LMOD1: variants seen among roughly 807,000 people sequenced by gnomAD.
LMOD1 encodes leiomodin 1, also known as leiomodin-1.
A neutral mutation model predicts 36.5 loss-of-function variants in LMOD1; 8 were observed. The ratio of observed to expected loss-of-function variants is 0.22; its 90% confidence interval spans 0.13 to 0.40. The LOEUF (loss-of-function observed/expected upper bound fraction) is 0.40, where lower values mean the gene tolerates loss of function less well. Among genes scored for constraint, LMOD1 ranks in the 10% least tolerant of loss-of-function variants. The pLI is 1.00. For missense variants in LMOD1, 630 were observed against 751.1 expected, an observed-to-expected ratio of 0.84 and a Z score of 1.88; for synonymous variants, 284 against 288.7, an observed-to-expected ratio of 0.98 and a Z score of 0.17.
At chr1:201,900,922 G>A (rs1309972020) in intron 1 of LMOD1, among the ~76,000 whole-genome samples, 171 bp from the exon 2 acceptor site, 1 of 152,146 alleles carries the variant, frequency 6.6e-6, no homozygotes, top group Non-Finnish European at 1.5e-5. Flanking sequence ...GCAAAAGAGG[G>A]ACTCAGGTTT....
chr1:201,903,658 G>A (rs1354531774), intron 1 of LMOD1, among the ~76,000 whole-genome samples: 1 of 152,198 alleles, frequency 6.6e-6, no homozygotes, highest in East Asian at 1.9e-4. Flanking sequence ...GTTGAGAGCA[G>A]TTCCATCACT....
At chr1:201,921,028 G>A (rs957882789) in intron 1 of LMOD1, among the ~76,000 whole-genome samples, 5 of 152,280 alleles carry the variant, frequency 3.3e-5, no homozygotes, top group Admixed American at 3.3e-4. Context: ...AGTGGACAAT[G>A]CCGAGGAGAA....
At chr1:201,906,262 GC>G (rs992759995) in intron 1 of LMOD1, among the ~76,000 whole-genome samples, 1 of 152,148 alleles carries the variant, frequency 6.6e-6, no homozygotes, top group Non-Finnish European at 1.5e-5. Context: ...TACCAGGAAA[GC>G]CCCAGGGAAA....
In LMOD1 at chr1:201,921,820, C is replaced by T. The variant is rs552761932; in HGVS notation, c.262-21069G>A. On this transcript the variant is annotated intron_variant, in intron 1 of 2. Coordinates refer to ENST00000367288, the MANE Select transcript of LMOD1 (RefSeq NM_012134.3). ...CTAAAAATACAAAAAATTAGCCAGG[C>T]GTGGTGGTGGGCGCCTGTAGTCCCA... Among the ~76,000 whole-genome samples, 116 of 151,984 alleles carry T rather than the reference C, an allele frequency of 7.6e-4. 1 individual carries two copies. The highest frequency in any genetic ancestry group is 2.7e-3 in the African/African-American group (111 of 41,476).
Position 201,939,270 on chromosome 1 carries a change from C to T in LMOD1, c.261+6810G>A, listed in dbSNP as rs572119251. ...GTGCCAAACACTTTCAATGCCTCAT[C>T]CTATTTAATCTTCACTATAACCCTT... On this transcript the variant is annotated intron_variant, in intron 1 of 2. Transcript: ENST00000367288. Among the ~76,000 whole-genome samples the T allele has an allele frequency of 4.1e-3, 630 of 152,224 alleles. 6 individuals carry two copies. The highest frequency in any genetic ancestry group is 0.015 in the African/African-American group (613 of 41,526).
rs989710569 is a variant in LMOD1 at position 201,921,876 on chromosome 1, C to T, written c.262-21125G>A. On this transcript the variant is annotated intron_variant, in intron 1 of 2. Transcript: ENST00000367288. ...TCGGGAGGCTGAGGCAGGAGAATGG[C>T]GTGAACCCGGGAGGCAGAGCTTGCA... Among the ~76,000 whole-genome samples the T allele has an allele frequency of 1.5e-4, 23 of 151,646 alleles. 1 individual carries two copies. The Middle Eastern group carries it at 0.014, about 90-fold the overall frequency.
intron 1 of LMOD1, among the ~76,000 whole-genome samples, chr1:201,924,664 AAAAAGAAAGAAAGAAAGAAAG>A (rs1558240428): frequency 3.5e-5 from 4 of 115,384 alleles, no homozygotes; most frequent in Admixed American, 9.5e-5. Flanking sequence ...AAGAAAGAAA[AAAAAGAAAGAAAGAAAGAAAG>A]AAAGAAAGAA....
rs1280040324 is a variant in LMOD1 at position 201,901,606 on chromosome 1, ATATACACATATATATGTGTGTG to A, written c.262-877_262-856del. 5.1e-4 allele frequency among the ~76,000 whole-genome samples: 23 copies of A among 45,046 alleles called. 2 individuals carry two copies. The highest frequency in any genetic ancestry group is 2.0e-3 in the African/African-American group (21 of 10,372). The allele number at this position is 45,046 out of a possible 152,430, so 29.6% of individuals were successfully genotyped here. ...TATACATATATATATGTATATATAT[ATATACACATATATATGTGTGTG>A]TGTATATATATATATATATACATAT... On this transcript the variant is annotated intron_variant, in intron 1 of 2. Transcript: ENST00000367288.
rs973455634 is a variant in LMOD1 at position 201,897,892 on chromosome 1, G to T, written c.*480C>A. 2.5e-5 allele frequency: 4 copies of T among 159,846 alleles called. No homozygotes were observed. Among genetic ancestry groups the T allele is most frequent in the Non-Finnish European group, 5.5e-5 (4 of 72,950 alleles). 9.9% of individuals were successfully genotyped at this position (159,846 alleles called of 1,614,324 possible). A position where few individuals can be genotyped will look rare whatever the true frequency, so the allele number is the denominator to read the frequency against. On this transcript the variant is annotated 3_prime_UTR_variant, in exon 3 of 3. Transcript: ENST00000367288. ...TCAGCCCCTCCCCACGCTCCCCTTT[G>T]GGCCCCCATGCCTCTCCATCTTTCT...
intron 1 of LMOD1, among the ~76,000 whole-genome samples, chr1:201,917,880 A>G (rs1411434974): frequency 6.6e-6 from 1 of 152,170 alleles, no homozygotes; most frequent in Non-Finnish European, 1.5e-5. Context: ...GCTTTCATAC[A>G]GCCCCTCTCC....
At chr1:201,909,011 C>CCT (rs1681451983) in intron 1 of LMOD1, among the ~76,000 whole-genome samples, 1 of 152,232 alleles carries the variant, frequency 6.6e-6, no homozygotes, top group South Asian at 2.1e-4. Context: ...GTGGGCACAG[C>CCT]CTCCCACATG....
chr1:201,931,373 A>G (rs1190331178), intron 1 of LMOD1, among the ~76,000 whole-genome samples: 1 of 152,134 alleles, frequency 6.6e-6, no homozygotes, highest in Non-Finnish European at 1.5e-5. Flanking sequence ...CGTCTCTACT[A>G]AAAATACAAA....
At chr1:201,921,285 C>T (rs1370146735) in intron 1 of LMOD1, among the ~76,000 whole-genome samples, 2 of 151,358 alleles carry the variant, frequency 1.3e-5, no homozygotes, top group East Asian at 1.9e-4. Context: ...GTCAGGAGTT[C>T]GAGGCTAGCC....
At chr1:201,940,393 G>A (rs1682094055) in intron 1 of LMOD1, among the ~76,000 whole-genome samples, 1 of 151,422 alleles carries the variant, frequency 6.6e-6, no homozygotes, top group African/African-American at 2.4e-5. Flanking sequence ...TACCATGTTG[G>A]CCAGGCTGGT....
chr1:201,933,595 T>TAATATATATATA (rs1437458163), intron 1 of LMOD1, among the ~76,000 whole-genome samples: 2 of 63,234 alleles, frequency 3.2e-5, no homozygotes, highest in African/African-American at 9.3e-5. Context: ...TATACATACA[T>TAATATATATATA]TATATATATA....
intron 1 of LMOD1, among the ~76,000 whole-genome samples, chr1:201,916,729 C>T (rs1681618384): frequency 6.6e-6 from 1 of 152,182 alleles, no homozygotes; most frequent in South Asian, 2.1e-4. Context: ...TTCAGCCCGG[C>T]TGTGCTGTGC....
intron 1 of LMOD1, among the ~76,000 whole-genome samples, chr1:201,941,238 T>G (rs1682110738): frequency 6.6e-6 from 1 of 152,164 alleles, no homozygotes; most frequent in Admixed American, 6.5e-5. Context: ...ATTACAGGTA[T>G]TAGCCATCAC....
intron 1 of LMOD1, among the ~76,000 whole-genome samples, chr1:201,938,392 G>T (rs1346543885): frequency 6.6e-6 from 1 of 152,060 alleles, no homozygotes; most frequent in East Asian, 1.9e-4. Flanking sequence ...GCCTCCCAAA[G>T]TGCTGGGATT....
At chr1:201,936,005 C>T (rs1682011891) in intron 1 of LMOD1, among the ~76,000 whole-genome samples, 1 of 149,218 alleles carries the variant, frequency 6.7e-6, no homozygotes, top group South Asian at 2.1e-4. Context: ...ATCCTGGCTA[C>T]TCAGGAGGCT....
Sources: gnomAD v4.1 joint callset for allele counts (sites outside exome capture counted in the v4.1 genomes callset) on GRCh38, gnomAD v4.1.1 for gene constraint, MANE v1.5 for transcripts, NCBI Gene and HGNC (gene_info 2026-07-23, HGNC 2026-07-21) for gene names.